The following MAPKAP1 variants were observed in gnomAD, a reference collection of about 807,000 sequenced individuals.
MAPKAP1 encodes the protein MAPK associated protein 1, also known as target of rapamycin complex 2 subunit MAPKAP1.
MAPKAP1 carries 20 observed loss-of-function variants against 65.7 expected under a neutral mutation model. The observed-to-expected ratio is 0.30, with a 90% CI of 0.21 to 0.44. The LOEUF is 0.44. Ranked by LOEUF, MAPKAP1 falls within the 20% of genes least tolerant of loss-of-function variation. MAPKAP1 has a pLI of 1.00. For missense variants in MAPKAP1, 423 were observed against 648.0 expected, an observed-to-expected ratio of 0.65 and a Z score of 3.77; for synonymous variants, 222 against 244.3, an observed-to-expected ratio of 0.91 and a Z score of 0.85.
intron 7 of MAPKAP1, among the ~76,000 whole-genome samples, chr9:125,526,545 CG>C (rs1275525026): frequency 6.6e-6 from 1 of 152,082 alleles, no homozygotes; most frequent in Admixed American, 6.6e-5. Context: ...AGTTTGAAAA[CG>C]TTTATAAGAA....
intron 10 of MAPKAP1, among the ~76,000 whole-genome samples, chr9:125,466,944 C>A (rs911556424): frequency 1.3e-5 from 2 of 152,242 alleles, no homozygotes; most frequent in African/African-American, 4.8e-5. Context: ...AAACTTGAAT[C>A]GTATTACAAA....
intron 5 of MAPKAP1, among the ~76,000 whole-genome samples, chr9:125,585,176 A>G (rs1831742260): frequency 6.6e-6 from 1 of 152,152 alleles, no homozygotes; most frequent in African/African-American, 2.4e-5. Context: ...CTCACCTCCC[A>G]GGGAGCTGGG....
At chr9:125,500,811 A>G (rs1346084192) in intron 8 of MAPKAP1, among the ~76,000 whole-genome samples, 1 of 152,224 alleles carries the variant, frequency 6.6e-6, no homozygotes, top group East Asian at 1.9e-4. Context: ...TATAACAAGG[A>G]ATCAACATTT....
chr9:125,500,922 G>A (rs1281216854), intron 8 of MAPKAP1, among the ~76,000 whole-genome samples: 2 of 152,128 alleles, frequency 1.3e-5, no homozygotes, highest in Admixed American at 6.5e-5. Flanking sequence ...CAGGGGCGGA[G>A]GGAGGGATTG....
chr9:125,553,097 A>G (rs1669569405), intron 6 of MAPKAP1, among the ~76,000 whole-genome samples: 2 of 152,020 alleles, frequency 1.3e-5, no homozygotes, highest in African/African-American at 4.8e-5. Context: ...GGGGTGTATG[A>G]GATAAAGATA....
chr9:125,534,171 A>G (rs1176938829), intron 7 of MAPKAP1, among the ~76,000 whole-genome samples: 1 of 152,218 alleles, frequency 6.6e-6, no homozygotes, highest in East Asian at 1.9e-4. Context: ...TTTTAAAAAT[A>G]ACAAAAACAA....
intron 6 of MAPKAP1, among the ~76,000 whole-genome samples, chr9:125,554,788 A>T (rs1273165952): frequency 3.3e-5 from 4 of 121,052 alleles, no homozygotes; most frequent in Non-Finnish European, 6.8e-5. Context: ...ACAGCAAGAC[A>T]CTTATCAAAA....
At chr9:125,449,004 C>CAAAA (rs11358978) in intron 10 of MAPKAP1, among the ~76,000 whole-genome samples, 1 of 89,048 alleles carries the variant, frequency 1.1e-5, no homozygotes, top group East Asian at 3.2e-4. Flanking sequence ...GACTCTGTCT[C>CAAAA]AAAAAAAAAA....
At chr9:125,658,904 A>G (rs903896658) in intron 3 of MAPKAP1, among the ~76,000 whole-genome samples, 4 of 152,188 alleles carry the variant, frequency 2.6e-5, no homozygotes, top group Non-Finnish European at 5.9e-5. Context: ...AGTCAAATTA[A>G]ACCAAGAGAG....
chr9:125,447,262 C>CGT lies in MAPKAP1; in HGVS notation c.1346-2665_1346-2664insAC. On this transcript the variant is annotated intron_variant, in intron 10 of 11. Coordinates refer to ENST00000265960, the MANE Select transcript of MAPKAP1 (RefSeq NM_001006617.3). This position sits in a 1 kb window ranked among gnomAD's most constrained non-coding sequence, Gnocchi z 4.5. ...AGCAGGTGAGGAGGAGGAAGAGTCCCAACATTCCCCCACTCTCCCTCAAGC... is the reference window on the plus strand; with the variant it reads ...AGCAGGTGAGGAGGAGGAAGAGTCCCGTAACATTCCCCCACTCTCCCTCAAGC... 2 of 389,210 alleles carry CGT rather than the reference C, an allele frequency of 5.1e-6. No homozygotes were observed. The highest frequency in any genetic ancestry group is 2.7e-5 in the Admixed American group (1 of 37,414). 24.1% of individuals were successfully genotyped at this position (389,210 alleles called of 1,614,324 possible).
At chr9:125,473,702 A>G (rs1161946021) in intron 9 of MAPKAP1, among the ~76,000 whole-genome samples, 1 of 151,962 alleles carries the variant, frequency 6.6e-6, no homozygotes, top group Admixed American at 6.6e-5. Flanking sequence ...CTGAGCGCCC[A>G]CTCTGGGTAG....
At chr9:125,669,732 A>G in intron 3 of MAPKAP1, 86 bp downstream of exon 3, 1 of 654,468 alleles carries the variant, frequency 1.5e-6, no homozygotes, top group Non-Finnish European at 2.5e-6. Context: ...CAGAGGATTT[A>G]AAAGGATGAA....
intron 4 of MAPKAP1, among the ~76,000 whole-genome samples, chr9:125,623,207 C>A (rs1832965845): frequency 7.3e-6 from 1 of 137,056 alleles, no homozygotes; most frequent in Non-Finnish European, 1.6e-5. Context: ...CAGCCTCTGC[C>A]CGGCCGCCAC....
At chr9:125,608,512 G>A (rs139652641) in intron 4 of MAPKAP1, among the ~76,000 whole-genome samples, 98 of 152,252 alleles carry the variant, frequency 6.4e-4, no homozygotes, top group Non-Finnish European at 9.3e-4. Context: ...TCTTGGGGCC[G>A]CCGCTGTGGC....
At chr9:125,565,711 A>G (rs761284022) in intron 5 of MAPKAP1, 10 of 397,802 alleles carry the variant, frequency 2.5e-5, no homozygotes, top group South Asian at 9.8e-5. Context: ...AGGAAGTTAG[A>G]TAACTTCCTG....
chr9:125,576,042 G>C (rs898467332), intron 5 of MAPKAP1, among the ~76,000 whole-genome samples: 18 of 152,190 alleles, frequency 1.2e-4, no homozygotes, highest in African/African-American at 4.3e-4. Flanking sequence ...CACAAAGGAT[G>C]CTTAAATGCA....
At chr9:125,554,036 C>CA (rs36095140) in intron 6 of MAPKAP1, among the ~76,000 whole-genome samples, 12 of 151,000 alleles carry the variant, frequency 7.9e-5, no homozygotes, top group East Asian at 3.9e-4. Flanking sequence ...TACCCTATCT[C>CA]AAAAAAAAAG....
At chr9:125,561,046 T>C (rs1416348371) in intron 5 of MAPKAP1, among the ~76,000 whole-genome samples, 2 of 152,256 alleles carry the variant, frequency 1.3e-5, no homozygotes, top group East Asian at 1.9e-4. Context: ...CACAAGGCAG[T>C]AGAATTCTAA....
In MAPKAP1 at chr9:125,447,714, G is replaced by A. The variant is rs1293263681; in HGVS notation, c.1346-3116C>T. On this transcript the variant is annotated intron_variant, in intron 10 of 11. Transcript: ENST00000265960. This position sits in a 1 kb window ranked among gnomAD's most constrained non-coding sequence, Gnocchi z 4.5. ...GTCAAATATGATGAGCGTGAAGAAGGTAAACGCAGGGAGCTGCCGTGGAGA... is the reference window on the plus strand; with the variant it reads ...GTCAAATATGATGAGCGTGAAGAAGATAAACGCAGGGAGCTGCCGTGGAGA... 6.6e-6 allele frequency among the ~76,000 whole-genome samples: 1 copy of A among 152,170 alleles called. No individual in the cohort carries two copies. Among genetic ancestry groups the A allele is most frequent in the Admixed American group, 6.5e-5 (1 of 15,274 alleles).
Sources: gnomAD v4.1 joint callset for allele counts (sites outside exome capture counted in the v4.1 genomes callset) on GRCh38, gnomAD v4.1.1 for gene constraint, Gnocchi (gnomAD v3.1) non-coding constraint, MANE v1.5 for transcripts, NCBI Gene and HGNC (gene_info 2026-07-23, HGNC 2026-07-21) for gene names.